The following TPST1 variants were observed in gnomAD, a reference collection of about 807,000 sequenced individuals.
TPST1 encodes the protein tyrosylprotein sulfotransferase 1.
In TPST1, 20 loss-of-function variants were observed where a neutral mutation model predicts 34.8. The ratio of observed to expected loss-of-function variants is 0.57; its 90% confidence interval spans 0.40 to 0.84. The LOEUF is 0.84. Among genes scored for constraint, TPST1 ranks in the 40% least tolerant of loss-of-function variants. The probability of loss-of-function intolerance (pLI) is 0.00; values close to 1 mark genes in which losing one functional copy is unlikely to be tolerated. For synonymous variants in TPST1, 152 were observed against 159.4 expected (o/e 0.95, Z 0.35); for missense variants, 353 against 455.5 (o/e 0.78, Z 2.05).
chr7:66,224,098 C>G (rs1562802105), intron 1 of TPST1, among the ~76,000 whole-genome samples: 1 of 152,106 alleles, frequency 6.6e-6, no homozygotes, highest in African/African-American at 2.4e-5. Context: ...GGGTCTGGTG[C>G]CAGCCCCTAA....
chr7:66,266,786 T>C (rs1211632299), intron 2 of TPST1, among the ~76,000 whole-genome samples: 1 of 152,218 alleles, frequency 6.6e-6, no homozygotes, highest in African/African-American at 2.4e-5. Context: ...AATAAGTATA[T>C]ACTGTAGGTT....
At chr7:66,203,804 C>G (rs1789065632), upstream of TPST1, among the ~76,000 whole-genome samples, 1 of 152,136 alleles carries the variant, frequency 6.6e-6, no homozygotes, top group African/African-American at 2.4e-5. Context: ...AACTTCTACA[C>G]AAATGTTCAT....
chr7:66,313,308 G>A (rs531483992), intron 3 of TPST1, among the ~76,000 whole-genome samples: 10 of 152,150 alleles, frequency 6.6e-5, no homozygotes, highest in Non-Finnish European at 1.2e-4. Flanking sequence ...CCAGCTACTC[G>A]GGAGGCTGAG....
intron 1 of TPST1, among the ~76,000 whole-genome samples, chr7:66,214,908 A>T (rs1264558103): frequency 6.8e-6 from 1 of 147,462 alleles, no homozygotes. Flanking sequence ...TATTGGTTAA[A>T]ATATATATTT....
intron 4 of TPST1, among the ~76,000 whole-genome samples, chr7:66,355,739 ACAAGTAC>A (rs1020456224): frequency 2.0e-5 from 3 of 151,750 alleles, no homozygotes; most frequent in Non-Finnish European, 2.9e-5. Context: ...ATCTCTAAAA[ACAAGTAC>A]CAAAAAAAAT....
At chr7:66,252,828 T>C (rs1352524477) in intron 2 of TPST1, among the ~76,000 whole-genome samples, 2 of 152,220 alleles carry the variant, frequency 1.3e-5, no homozygotes, top group Non-Finnish European at 2.9e-5. Flanking sequence ...CCATGTTTTT[T>C]CCAAAACTTA....
In TPST1 at chr7:66,332,820, T is replaced by G. The variant is rs1196992231; in HGVS notation, c.1045-19685T>G. Among the ~76,000 whole-genome samples, 2 of 152,184 alleles carry G rather than the reference T, an allele frequency of 1.3e-5. No individual in the cohort carries two copies. Among genetic ancestry groups the G allele is most frequent in the Admixed American group, 6.5e-5 (1 of 15,278 alleles). On this transcript the variant is annotated intron_variant, in intron 3 of 5. Coordinates refer to ENST00000304842, the MANE Select transcript of TPST1 (RefSeq NM_003596.4). This position sits in a 1 kb window ranked among gnomAD's most constrained non-coding sequence, Gnocchi z 4.5. ...GATTTAAAGTATACAGGAGGATATG[T>G]GTATGTTACGTGCAAATACTACACC... is the stretch of plus-strand genomic sequence containing the variant.
intron 3 of TPST1, among the ~76,000 whole-genome samples, chr7:66,319,870 T>C (rs1218891358): frequency 1.3e-5 from 2 of 152,212 alleles, no homozygotes; most frequent in African/African-American, 4.8e-5. Flanking sequence ...CCCAGAAATA[T>C]TTATTTTTCT....
chr7:66,260,132 T>C lies in TPST1; in HGVS notation c.845+18862T>C, dbSNP rs547877002. Among the ~76,000 whole-genome samples the C allele has an allele frequency of 2.0e-5, 3 of 152,232 alleles. No individual in the cohort carries two copies. In the South Asian group the frequency reaches 6.2e-4, roughly 31 times the overall value. ...GTCAATACAGCTTAAGTATCTCTTATCCGAAATGCTTGGACTAGAAGTGTT... is the reference window on the plus strand; with the variant it reads ...GTCAATACAGCTTAAGTATCTCTTACCCGAAATGCTTGGACTAGAAGTGTT... On this transcript the variant is annotated intron_variant, in intron 2 of 5. Coordinates refer to ENST00000304842, the MANE Select transcript of TPST1 (RefSeq NM_003596.4).
At chr7:66,354,279 G>A (rs1328165719) in intron 4 of TPST1, among the ~76,000 whole-genome samples, 1 of 152,082 alleles carries the variant, frequency 6.6e-6, no homozygotes, top group Non-Finnish European at 1.5e-5. Flanking sequence ...TGGAGCCAGA[G>A]AATATTCCAA....
chr7:66,314,173 G>A (rs968624262), intron 3 of TPST1, among the ~76,000 whole-genome samples: 5 of 152,172 alleles, frequency 3.3e-5, no homozygotes, highest in Admixed American at 6.5e-5. Flanking sequence ...TGTTAATTTC[G>A]ATCTCATGGT....
At chr7:66,260,807 T>G (rs1056818177) in intron 2 of TPST1, among the ~76,000 whole-genome samples, 1 of 152,216 alleles carries the variant, frequency 6.6e-6, no homozygotes, top group African/African-American at 2.4e-5. Flanking sequence ...TGTGCCTGAT[T>G]ATTCCCTATT....
upstream of TPST1, among the ~76,000 whole-genome samples, chr7:66,203,763 G>A (rs1453204270): frequency 6.6e-6 from 1 of 152,092 alleles, no homozygotes; most frequent in Non-Finnish European, 1.5e-5. Context: ...GGGATTACAG[G>A]CGTGAGCCAC....
At chr7:66,207,955 TC>T (rs1789165780) in intron 1 of TPST1, among the ~76,000 whole-genome samples, 1 of 152,132 alleles carries the variant, frequency 6.6e-6, no homozygotes, top group Non-Finnish European at 1.5e-5. Context: ...TCTTTTTTTT[TC>T]CTCTCTTCAT....
At chr7:66,204,897 G>A (rs1025568274), upstream of TPST1, among the ~76,000 whole-genome samples, 16 of 152,266 alleles carry the variant, frequency 1.1e-4, no homozygotes, top group African/African-American at 3.4e-4. Context: ...GGGCTCTGAA[G>A]CAGAGGAGAG....
At chr7:66,225,098 G>A (rs1329160111) in intron 1 of TPST1, among the ~76,000 whole-genome samples, 2 of 150,708 alleles carry the variant, frequency 1.3e-5, no homozygotes, top group Non-Finnish European at 1.5e-5. Context: ...TGTATTTTTA[G>A]TAGAGACGGG....
At chr7:66,258,005 A>G (rs1046460066) in intron 2 of TPST1, among the ~76,000 whole-genome samples, 16 of 152,086 alleles carry the variant, frequency 1.1e-4, no homozygotes, top group African/African-American at 3.9e-4. Context: ...TCTGGAAAAA[A>G]CCCAACTTGG....
chr7:66,359,811 G>A, intron 5 of TPST1, 84 bp from the exon 6 acceptor site: 3 of 450,292 alleles, frequency 6.7e-6, no homozygotes, highest in South Asian at 4.7e-5. Context: ...GTCTAGGCCT[G>A]TAGCTGGGAA....
chr7:66,323,542 A>G (rs1302527650), intron 3 of TPST1, among the ~76,000 whole-genome samples: 1 of 152,202 alleles, frequency 6.6e-6, no homozygotes, highest in Non-Finnish European at 1.5e-5. Context: ...CCACCCTAGC[A>G]TTCCTGAGAT....
Sources: allele counts gnomAD v4.1 joint callset (sites outside exome capture counted in the v4.1 genomes callset), GRCh38; gene constraint gnomAD v4.1.1; non-coding constraint Gnocchi (gnomAD v3.1); transcripts MANE v1.5; gene names NCBI Gene and HGNC (gene_info 2026-07-23, HGNC 2026-07-21).